FRMPD4: variants seen among roughly 807,000 people sequenced by gnomAD.
FRMPD4 encodes FERM and PDZ domain-containing protein 4.
In FRMPD4, 22 loss-of-function variants were observed where a neutral mutation model predicts 94.1. The observed-to-expected ratio is 0.23, with a 90% CI of 0.17 to 0.33. FRMPD4 has a LOEUF of 0.33. Ranked by LOEUF, FRMPD4 falls within the 10% of genes least tolerant of loss-of-function variation. FRMPD4 has a pLI of 1.00. For missense variants in FRMPD4, 1,111 were observed against 1,339.9 expected (o/e 0.83, Z 2.67); for synonymous variants, 631 against 548.6 (o/e 1.15, Z -2.10).
At chrX:12,709,024 G>C (rs1309108629) in intron 13 of FRMPD4, 1 of 113,747 alleles carries the variant, frequency 8.8e-6, no homozygotes, top group East Asian at 2.8e-4. Context: ...CACAGAGAAA[G>C]GTGGATGAAA....
At position 12,720,851 on chromosome X, in the gene FRMPD4, A is replaced by G. The variant is rs1165120397; in HGVS notation, c.4282A>G (p.Lys1428Glu). The G allele has an allele frequency of 3.3e-6, 3 of 896,293 alleles. No homozygotes were observed. The highest frequency in any genetic ancestry group is 4.1e-6 in the Non-Finnish European group (3 of 729,605). 73.9% of individuals were successfully genotyped at this position (896,293 alleles called of 1,213,427 possible). A position where few individuals can be genotyped will look rare whatever the true frequency, so the allele number is the denominator to read the frequency against. ...GAGAACCAAGGGTGCAGTCAGCTTA[A>G]AGTGTCCAGGCATCACAGAAGCACA... ...RERTKGAVSL[K>E]CPGITEAQEA... is the part of the protein sequence containing the mutation. The change falls in exon 17 of 17, where the codon AAG becomes GAG. Residue 1428 changes from lysine to glutamate, a missense_variant. Around this residue, in one of 8 missense-constraint regions of FRMPD4, gnomAD observed 551 missense variants for 591.6 expected, o/e 0.93. Transcript: ENST00000675598.
chrX:12,473,421 A>G (rs2057544246), intron 1 of FRMPD4, among the ~76,000 whole-genome samples: 1 of 109,994 alleles, frequency 9.1e-6, no homozygotes, highest in Non-Finnish European at 1.9e-5. Context: ...AAGCAAAATA[A>G]CCAGCTAACA....
At chrX:12,240,353 G>A (rs956840115) in intron 1 of FRMPD4, among the ~76,000 whole-genome samples, 1 of 112,223 alleles carries the variant, frequency 8.9e-6, no homozygotes, top group African/African-American at 3.2e-5. Context: ...CAGTTGGCTG[G>A]AACTCAAGCA....
At chrX:12,378,150 G>C (rs1315341795) in intron 1 of FRMPD4, among the ~76,000 whole-genome samples, 1 of 111,964 alleles carries the variant, frequency 8.9e-6, no homozygotes, top group Non-Finnish European at 1.9e-5. Flanking sequence ...AAAGTTCAAG[G>C]CTTCATTTGT....
chrX:12,192,825 C>T (rs749300747), intron 1 of FRMPD4, among the ~76,000 whole-genome samples: 2 of 111,489 alleles, frequency 1.8e-5, no homozygotes, highest in African/African-American at 6.5e-5. Flanking sequence ...TCACATGATG[C>T]TGATGCTGCT....
chrX:12,135,782 A>G (rs1023302055), upstream of FRMPD4, among the ~76,000 whole-genome samples: 1 of 111,544 alleles, frequency 9.0e-6, no homozygotes, highest in African/African-American at 3.3e-5. Flanking sequence ...TGGAATAATT[A>G]TTGATAAATA....
At chrX:11,907,478 G>C (rs2053974097) in intron 3 of FRMPD4, among the ~76,000 whole-genome samples, 2 of 112,215 alleles carry the variant, frequency 1.8e-5, no homozygotes, top group Admixed American at 9.4e-5. Context: ...TAGTTCTGGA[G>C]TCTGGAAGTC....
At chrX:11,897,150 CAAA>C (rs997285182) in intron 3 of FRMPD4, among the ~76,000 whole-genome samples, 1 of 40,655 alleles carries the variant, frequency 2.5e-5, no homozygotes. Context: ...GGATGAATTA[CAAA>C]AAAAAAAAAA....
intron 1 of FRMPD4, among the ~76,000 whole-genome samples, chrX:12,280,498 C>A (rs1248198561): frequency 9.1e-6 from 1 of 110,196 alleles, no homozygotes; most frequent in East Asian, 2.9e-4. Flanking sequence ...CCTCCCCTTC[C>A]TGGTAAACAC....
chrX:12,412,967 A>G (rs1250399258), intron 1 of FRMPD4, among the ~76,000 whole-genome samples: 1 of 109,119 alleles, frequency 9.2e-6, no homozygotes, highest in African/African-American at 3.4e-5. Flanking sequence ...AATAATACTG[A>G]TAGTCATAGT....
chrX:12,084,241 A>G (rs1237657773), intron 3 of FRMPD4, among the ~76,000 whole-genome samples: 2 of 108,986 alleles, frequency 1.8e-5, no homozygotes, highest in African/African-American at 6.7e-5. Context: ...GATAATGAAT[A>G]ACTCTCACAA....
intron 1 of FRMPD4, among the ~76,000 whole-genome samples, chrX:11,834,717 A>T (rs781690856): frequency 1.3e-4 from 14 of 111,930 alleles, no homozygotes; most frequent in African/African-American, 4.5e-4. Flanking sequence ...TAATAATAAG[A>T]AAGTAGAATG....
chrX:12,322,301 T>C (rs886989199), intron 1 of FRMPD4, among the ~76,000 whole-genome samples: 12 of 111,384 alleles, frequency 1.1e-4, no homozygotes, highest in Non-Finnish European at 5.6e-5. Context: ...TCAGAGAACA[T>C]GCAGAAACAT....
intron 10 of FRMPD4, among the ~76,000 whole-genome samples, chrX:12,703,554 A>T (rs112488533): frequency 2.3e-4 from 26 of 112,313 alleles, no homozygotes; most frequent in African/African-American, 8.1e-4. Flanking sequence ...CACATAATTT[A>T]GAAGACACTG....
At chrX:12,517,802 G>A (rs2058119098) in intron 2 of FRMPD4, among the ~76,000 whole-genome samples, 1 of 112,936 alleles carries the variant, frequency 8.9e-6, no homozygotes, top group Non-Finnish European at 1.9e-5. Flanking sequence ...AGCCAGCAGG[G>A]GGAAAGACTA....
rs1285905687 is a variant in FRMPD4 at position 12,662,771 on chromosome X, T to C, written c.423-12092T>C. ...TTCTGGTTCCATATCCTTGAGGAAT[T>C]GCCACACTGTCTTCCACAATGGTTG... is the stretch of plus-strand genomic sequence containing the variant. On this transcript the variant is annotated intron_variant, in intron 4 of 16. Transcript: ENST00000675598. Among the ~76,000 whole-genome samples, 45 of 112,115 alleles carry C rather than the reference T, an allele frequency of 4.0e-4. No homozygotes were observed. In the Admixed American group the frequency reaches 4.2e-3, roughly 11 times the overall value.
intron 3 of FRMPD4, among the ~76,000 whole-genome samples, chrX:12,106,024 A>G (rs1478436562): frequency 1.8e-5 from 2 of 112,022 alleles, no homozygotes; most frequent in South Asian, 3.8e-4. Flanking sequence ...ACTACCTTCA[A>G]TGAAACCTTC....
chrX:12,076,816 T>G (rs2147478663), intron 3 of FRMPD4, among the ~76,000 whole-genome samples: 1 of 111,660 alleles, frequency 9.0e-6, no homozygotes, highest in South Asian at 3.8e-4. Context: ...CTATTTTTAT[T>G]CTCTCCCTCC....
chrX:12,704,006 G>C (rs2041833141), intron 10 of FRMPD4, among the ~76,000 whole-genome samples: 2 of 112,038 alleles, frequency 1.8e-5, no homozygotes, highest in South Asian at 7.5e-4. Flanking sequence ...ATCAACAAAG[G>C]GATGGAGAGA....
Sources: allele counts gnomAD v4.1 joint callset (sites outside exome capture counted in the v4.1 genomes callset), GRCh38; gene constraint gnomAD v4.1.1; regional missense constraint gnomAD v4.1.1; transcripts MANE v1.5; gene names NCBI Gene and HGNC (gene_info 2026-07-23, HGNC 2026-07-21).